The following RAB4A variants were observed in gnomAD, a reference collection of about 807,000 sequenced individuals.
RAB4A encodes the protein RAB4A, member RAS oncogene family.
RAB4A carries 20 observed loss-of-function variants against 34.5 expected under a neutral mutation model. The observed-to-expected ratio is 0.58, with a 90% CI of 0.41 to 0.84. RAB4A has a LOEUF of 0.84. Among genes scored for constraint, RAB4A ranks in the 40% least tolerant of loss-of-function variants. The pLI is 0.00. For synonymous variants in RAB4A, 102 were observed against 100.0 expected (o/e 1.02, Z -0.12); for missense variants, 228 against 274.5 (o/e 0.83, Z 1.20).
chr1:229,296,591 G>A (rs1022956950), intron 4 of RAB4A, among the ~76,000 whole-genome samples: 2 of 152,178 alleles, frequency 1.3e-5, no homozygotes, highest in African/African-American at 4.8e-5. Flanking sequence ...CTATCCATGA[G>A]GAAATCACAT....
intron 6 of RAB4A, among the ~76,000 whole-genome samples, chr1:229,300,171 G>A (rs533776404): frequency 6.6e-6 from 1 of 152,172 alleles, no homozygotes; most frequent in African/African-American, 2.4e-5. Flanking sequence ...CTGAAGTATG[G>A]TCGAGGCACC....
At chr1:229,279,408 C>T (rs908374731) in intron 1 of RAB4A, among the ~76,000 whole-genome samples, 6 of 152,182 alleles carry the variant, frequency 3.9e-5, no homozygotes, top group African/African-American at 1.2e-4. Context: ...CTAGCTCATC[C>T]CCTGCTGTCC....
chr1:229,297,687 A>G (rs1427282278), intron 5 of RAB4A, 51 bp downstream of exon 5: 8 of 1,467,430 alleles, frequency 5.5e-6, no homozygotes, highest in African/African-American at 2.8e-5. Flanking sequence ...ATTTGAGGAT[A>G]ATAGCATTTC....
chr1:229,289,593 C>T (rs1276621315), intron 3 of RAB4A, among the ~76,000 whole-genome samples: 2 of 152,118 alleles, frequency 1.3e-5, no homozygotes, highest in African/African-American at 2.4e-5. Flanking sequence ...GGCAGACCTC[C>T]TCACCTGAGG....
chr1:229,297,672 C>A (rs766959494), intron 5 of RAB4A, 36 bp downstream of exon 5: 4 of 1,519,058 alleles, frequency 2.6e-6, no homozygotes, highest in Admixed American at 2.3e-5. Context: ...TTTTTCAAAT[C>A]GCATATTTGA....
intron 4 of RAB4A, 87 bp downstream of exon 4, chr1:229,295,997 T>C: frequency 7.4e-7 from 1 of 1,342,840 alleles, no homozygotes; most frequent in Non-Finnish European, 1.1e-6. Context: ...CCGTGCAGTG[T>C]GTGCTTTGTG....
chr1:229,272,179 A>G (rs529719781), intron 1 of RAB4A, among the ~76,000 whole-genome samples: 1 of 151,008 alleles, frequency 6.6e-6, no homozygotes, highest in Non-Finnish European at 1.5e-5. Flanking sequence ...TGTACTTTGT[A>G]TCAGAGTTGA....
intron 1 of RAB4A, among the ~76,000 whole-genome samples, chr1:229,284,094 GTTTTTTTTTTTT>G (rs773213321): frequency 8.7e-5 from 4 of 45,904 alleles, no homozygotes; most frequent in Admixed American, 2.8e-4. Flanking sequence ...GTGTTGTTTG[GTTTTTTTTTTTT>G]TTTTTTTTTT....
In RAB4A at chr1:229,286,565, AT is replaced by A; in HGVS notation, c.112del (p.Phe38SerfsTer9). ...CLLHQFIEKK[F>X]KDDSNHTIGV... ...TACTTCATCAGTTTATTGAAAAAAA[AT>A]GTAAGTGTCATGAAATTAGTCATTC... On this transcript the variant is annotated frameshift_variant and splice_region_variant, in exon 2 of 8. Coordinates refer to ENST00000366690, the MANE Select transcript of RAB4A (RefSeq NM_004578.4). LOFTEE classifies it high-confidence loss of function. 1 of 1,549,052 alleles carries A rather than the reference AT, an allele frequency of 6.5e-7. No individual in the cohort carries two copies. The highest frequency in any genetic ancestry group is 8.8e-7 in the Non-Finnish European group (1 of 1,138,156).
At chr1:229,293,480 G>T (rs890990327) in intron 3 of RAB4A, among the ~76,000 whole-genome samples, 1 of 152,200 alleles carries the variant, frequency 6.6e-6, no homozygotes, top group Admixed American at 6.5e-5. Flanking sequence ...TATCACTAAG[G>T]AAATCACAGG....
chr1:229,292,678 C>T lies in RAB4A; in HGVS notation c.228-3170C>T, dbSNP rs577606119. Among the ~76,000 whole-genome samples, 158 of 152,322 alleles carry T rather than the reference C, an allele frequency of 1.0e-3. 1 individual carries two copies. Among genetic ancestry groups the T allele is most frequent in the African/African-American group, 3.6e-3 (150 of 41,572 alleles). On this transcript the variant is annotated intron_variant, in intron 3 of 7. Coordinates refer to ENST00000366690, the MANE Select transcript of RAB4A (RefSeq NM_004578.4). Reference sequence around the variant, plus strand: ...CTAAAAAGTACATTTAAAAGTAGCTCTTCTTTGCCAAGCAGCAAAGTAATA... The same window carrying T: ...CTAAAAAGTACATTTAAAAGTAGCTTTTCTTTGCCAAGCAGCAAAGTAATA...
chr1:229,291,223 A>G (rs1389641813), intron 3 of RAB4A, among the ~76,000 whole-genome samples: 2 of 152,252 alleles, frequency 1.3e-5, no homozygotes, highest in Non-Finnish European at 2.9e-5. Flanking sequence ...CTGAATACCA[A>G]CAGATGTGCA....
Position 229,298,918 on chromosome 1 carries a change from A to G in RAB4A, c.446-59A>G, listed in dbSNP as rs1657310002. 1.3e-5 allele frequency: 16 copies of G among 1,254,228 alleles called. No homozygotes were observed. In the South Asian group the frequency reaches 1.6e-4, roughly 13 times the overall value. The allele number at this position is 1,254,228 out of a possible 1,614,324, so 77.7% of individuals were successfully genotyped here. A position where few individuals can be genotyped will look rare whatever the true frequency, so the allele number is the denominator to read the frequency against. ...AAGAGAATGCTACACAGGCTTTTGTAAGTGAAAATTATGATCATCTTCTAA... is the reference window on the plus strand; with the variant it reads ...AAGAGAATGCTACACAGGCTTTTGTGAGTGAAAATTATGATCATCTTCTAA... On this transcript the variant is annotated intron_variant, in intron 5 of 7. Coordinates refer to ENST00000366690, the MANE Select transcript of RAB4A (RefSeq NM_004578.4).
intron 1 of RAB4A, among the ~76,000 whole-genome samples, chr1:229,282,553 G>C (rs1656804039): frequency 6.6e-6 from 1 of 152,018 alleles, no homozygotes; most frequent in Non-Finnish European, 1.5e-5. Context: ...TCTCCTTCCA[G>C]GACTCCAGTG....
rs113157787 is a variant in RAB4A, at chr1:229,289,777, T to C, written c.227+934T>C. On this transcript the variant is annotated intron_variant, in intron 3 of 7. Coordinates refer to ENST00000366690, the MANE Select transcript of RAB4A (RefSeq NM_004578.4). ...GTTGCAGTGAGCTGAGATCACGCCA[T>C]TGTACTCCAGCCTGGGCAACAAGAG... is the stretch of plus-strand genomic sequence containing the variant. 2.9e-3 allele frequency among the ~76,000 whole-genome samples: 442 copies of C among 152,274 alleles called. 3 individuals carry two copies. Among genetic ancestry groups the C allele is most frequent in the African/African-American group, 0.01 (423 of 41,544 alleles).
At chr1:229,286,593 T>TC in intron 2 of RAB4A, 27 bp downstream of exon 2, 1 of 1,377,266 alleles carries the variant, frequency 7.3e-7, no homozygotes, top group East Asian at 2.4e-5. Flanking sequence ...TAGTCATTCT[T>TC]CCGTGCATGT....
At position 229,295,585 on chromosome 1, in the gene RAB4A, C is replaced by A. The variant is rs1314810211; in HGVS notation, c.228-263C>A. 3.3e-5 allele frequency among the ~76,000 whole-genome samples: 5 copies of A among 152,106 alleles called. No homozygotes were observed. In the East Asian group the frequency reaches 9.6e-4, roughly 29 times the overall value. ...GTGCTGGCTTCCGCAGACAGCTCAC[C>A]CTGCTAGGAGTTCTCAAAGGAGACA... On this transcript the variant is annotated intron_variant, in intron 3 of 7. Transcript: ENST00000366690.
At position 229,271,111 on chromosome 1, in the gene RAB4A, C is replaced by T. The variant is rs1048581786; in HGVS notation, c.-229C>T. The T allele has an allele frequency of 1.3e-4, 46 of 353,490 alleles. No homozygotes were observed. Among genetic ancestry groups the T allele is most frequent in the Non-Finnish European group, 1.9e-4 (37 of 199,974 alleles). The allele number at this position is 353,490 out of a possible 1,614,324, so 21.9% of individuals were successfully genotyped here. A position where few individuals can be genotyped will look rare whatever the true frequency, so the allele number is the denominator to read the frequency against. On this transcript the variant is annotated 5_prime_UTR_variant, in exon 1 of 8. Coordinates refer to ENST00000366690, the MANE Select transcript of RAB4A (RefSeq NM_004578.4). The stretch of plus-strand genomic sequence containing the variant: ...GGCCGGGCCTCGCGTAGCCCATCTC[C>T]TCTTCCTCCTCGCGGTCGCGGCCGG...
intron 1 of RAB4A, among the ~76,000 whole-genome samples, chr1:229,282,892 TTAAAATC>T (rs1165298096): frequency 1.3e-5 from 2 of 152,258 alleles, no homozygotes; most frequent in Non-Finnish European, 2.9e-5. Context: ...GATGACTGCT[TTAAAATC>T]TTTGTCAGAT....
Sources: gnomAD v4.1 joint callset for allele counts (sites outside exome capture counted in the v4.1 genomes callset) on GRCh38, gnomAD v4.1.1 for gene constraint, MANE v1.5 for transcripts, NCBI Gene and HGNC (gene_info 2026-07-23, HGNC 2026-07-21) for gene names.